The following OXA1L variants were observed in gnomAD, a reference collection of about 807,000 sequenced individuals.
OXA1L encodes OXA1L mitochondrial inner membrane insertase, also known as mitochondrial inner membrane protein OXA1L.
A neutral mutation model predicts 52.2 loss-of-function variants in OXA1L; 42 were observed. The observed-to-expected ratio is 0.80, with a 90% CI of 0.63 to 1.04. OXA1L has a LOEUF of 1.04. Ranked by LOEUF, OXA1L falls within the 50% of genes least tolerant of loss-of-function variation. The probability of loss-of-function intolerance (pLI) is 0.00; values close to 1 mark genes in which losing one functional copy is unlikely to be tolerated. For synonymous variants in OXA1L, 239 were observed against 201.9 expected, an observed-to-expected ratio of 1.18 and a Z score of -1.56; for missense variants, 572 against 555.0, an observed-to-expected ratio of 1.03 and a Z score of -0.31.
In OXA1L at chr14:22,771,723, A is replaced by G; in HGVS notation, c.*165A>G. On this transcript the variant is annotated 3_prime_UTR_variant, in exon 10 of 10. Coordinates refer to ENST00000612549, the MANE Select transcript of OXA1L (RefSeq NM_005015.5). ...AAACACTCTTGTACTTATGTTTATA[A>G]GAGAGCACTGGGTAGCCAAGTGATC... 1 of 717,300 alleles carries G rather than the reference A, an allele frequency of 1.4e-6. No homozygotes were observed. Among genetic ancestry groups the G allele is most frequent in the East Asian group, 2.5e-5 (1 of 39,262 alleles). The allele number at this position is 717,300 out of a possible 1,614,324, so 44.4% of individuals were successfully genotyped here. A position where few individuals can be genotyped will look rare whatever the true frequency, so the allele number is the denominator to read the frequency against.
intron 1 of OXA1L, chr14:22,767,027 G>A (rs1017361158): frequency 6.5e-7 from 1 of 1,535,904 alleles, no homozygotes; most frequent in Non-Finnish European, 8.7e-7. Flanking sequence ...GTGGGTCTGC[G>A]ATAACTGAGA....
intron 1 of OXA1L, 90 bp from the exon 2 acceptor site, chr14:22,767,158 T>G: frequency 6.5e-7 from 1 of 1,547,996 alleles, no homozygotes; most frequent in Non-Finnish European, 8.7e-7. Flanking sequence ...TGCCTGCTTC[T>G]TGGGGAGTTA....
Position 22,771,827 on chromosome 14 carries a change from C to T in OXA1L, c.*269C>T. The T allele has an allele frequency of 2.7e-6, 1 of 377,044 alleles. No individual in the cohort carries two copies. Among genetic ancestry groups the T allele is most frequent in the Non-Finnish European group, 4.8e-6 (1 of 207,418 alleles). 23.4% of individuals were successfully genotyped at this position (377,044 alleles called of 1,614,324 possible). A position where few individuals can be genotyped will look rare whatever the true frequency, so the allele number is the denominator to read the frequency against. On this transcript the variant is annotated 3_prime_UTR_variant, in exon 10 of 10. Coordinates refer to ENST00000612549, the MANE Select transcript of OXA1L (RefSeq NM_005015.5). ...TATTGAACAGGGAAATCAGTGTGCA[C>T]TTCAGAAAACTGAAGAATACCCAGC...
In OXA1L at chr14:22,766,954, G is replaced by C. The variant is rs938659956; in HGVS notation, c.63+190G>C. On this transcript the variant is annotated intron_variant, in intron 1 of 9. Transcript: ENST00000612549. ...CTATGGGCCCAGCAGCCCGGTGTCAGCTTCTGGAATTGGCTTGGCTCCTGG... is the reference window on the plus strand; with the variant it reads ...CTATGGGCCCAGCAGCCCGGTGTCACCTTCTGGAATTGGCTTGGCTCCTGG... 4.6e-6 allele frequency: 7 copies of C among 1,519,070 alleles called. No homozygotes were observed. In the East Asian group the frequency reaches 1.2e-4, roughly 27 times the overall value. The allele number at this position is 1,519,070 out of a possible 1,614,324, so 94.1% of individuals were successfully genotyped here. A position where few individuals can be genotyped will look rare whatever the true frequency, so the allele number is the denominator to read the frequency against.
In OXA1L at chr14:22,771,544, G is replaced by A. The variant is rs754585288; in HGVS notation, c.1294G>A (p.Asp432Asn). 45 of 1,613,980 alleles carry A rather than the reference G, an allele frequency of 2.8e-5. No homozygotes were observed. The highest frequency in any genetic ancestry group is 1.6e-4 in the Middle Eastern group (1 of 6,084). The change falls in exon 10 of 10, where the codon GAC (aspartate) becomes AAC (asparagine). Residue 432 changes from aspartate (D) to asparagine (N), a missense_variant. Transcript: ENST00000612549. ...ACCAAAGTCAAAGTATCCCTGGCAC[G>A]ACACACTTGGCTGACTTATGTTCTG... ...SKPKSKYPWH[D>N]TLG
Position 22,771,549 on chromosome 14 carries a change from A to G in OXA1L, c.1299A>G (p.Thr433=), listed in dbSNP as rs367569986. ...AGTCAAAGTATCCCTGGCACGACAC[A>G]CTTGGCTGACTTATGTTCTGTGCGC... The part of the protein sequence containing the change: ...KPKSKYPWHD[T]LG Residue 433 remains threonine, a synonymous_variant, in exon 10 of 10, where the codon ACA becomes ACG. Coordinates refer to ENST00000612549, the MANE Select transcript of OXA1L (RefSeq NM_005015.5). The G allele has an allele frequency of 4.3e-6, 7 of 1,614,088 alleles. No individual in the cohort carries two copies. The highest frequency in any genetic ancestry group is 1.3e-5 in the African/African-American group (1 of 74,936).
At chr14:22,768,819 G>T (rs1385160607) in intron 3 of OXA1L, 3 of 152,568 alleles carry the variant, frequency 2.0e-5, no homozygotes, top group Admixed American at 6.5e-5. Flanking sequence ...TTTGATAGAG[G>T]CATGCAAGGT....
In OXA1L at chr14:22,770,488, G is replaced by A; in HGVS notation, c.697G>A (p.Ala233Thr). Reference sequence around the variant, plus strand: ...CCCAATCTTCATCTCCTTCTTCATTGCTTTGAGAGAGATGGCCAACCTTCC... The same window carrying A: ...CCCAATCTTCATCTCCTTCTTCATTACTTTGAGAGAGATGGCCAACCTTCC... The part of the protein sequence containing the change: ...QAPIFISFFI[A>T]LREMANLPVP... The change falls in exon 6 of 10, where the codon GCT becomes ACT. Residue 233 changes from alanine to threonine, a missense_variant. Physicochemically the swap from Ala to Thr is moderately conservative, Grantham distance 58. Transcript: ENST00000612549. 2 of 1,614,060 alleles carry A rather than the reference G, an allele frequency of 1.2e-6. No individual in the cohort carries two copies. The highest frequency in any genetic ancestry group is 1.7e-6 in the Non-Finnish European group (2 of 1,179,948).
chr14:22,767,205 C>T lies in OXA1L; in HGVS notation c.64-43C>T, dbSNP rs777468624. On this transcript the variant is annotated intron_variant, in intron 1 of 9. Coordinates refer to ENST00000612549, the MANE Select transcript of OXA1L (RefSeq NM_005015.5). ...CCCGTTTGCACCCACGCGAGGACTT[C>T]TGCTCCCGGTAAAGGGGCTCCATCA... The T allele has an allele frequency of 4.4e-6, 7 of 1,579,286 alleles. No individual in the cohort carries two copies. In the East Asian group the frequency reaches 1.3e-4, roughly 30 times the overall value.
intron 3 of OXA1L, chr14:22,768,900 CA>C (rs2038433317): frequency 6.6e-6 from 1 of 151,992 alleles, no homozygotes; most frequent in Admixed American, 6.6e-5. Context: ...ACAAACAATC[CA>C]ATTACACTTT....
chr14:22,770,292 T>C lies in OXA1L; in HGVS notation c.669+14T>C. 6.3e-7 allele frequency: 1 copy of C among 1,579,790 alleles called. No homozygotes were observed. The highest frequency in any genetic ancestry group is 8.7e-7 in the Non-Finnish European group (1 of 1,148,750). On this transcript the variant is annotated intron_variant, in intron 5 of 9. Coordinates refer to ENST00000612549, the MANE Select transcript of OXA1L (RefSeq NM_005015.5). ...CCTGTGACTCAGGTGAGCAAAAACATTTCCTTCCTTATTTCATCCAGTACC... is the reference window on the plus strand; with the variant it reads ...CCTGTGACTCAGGTGAGCAAAAACACTTCCTTCCTTATTTCATCCAGTACC...
Position 22,771,841 on chromosome 14 carries a change from A to G in OXA1L, c.*283A>G. The G allele has an allele frequency of 2.9e-6, 1 of 344,894 alleles. No homozygotes were observed. Among genetic ancestry groups the G allele is most frequent in the Non-Finnish European group, 5.3e-6 (1 of 187,628 alleles). 21.4% of individuals were successfully genotyped at this position (344,894 alleles called of 1,614,324 possible). Reference sequence around the variant, plus strand: ...ATCAGTGTGCACTTCAGAAAACTGAAGAATACCCAGCATTTTGGGAGGCCG... The same window carrying G: ...ATCAGTGTGCACTTCAGAAAACTGAGGAATACCCAGCATTTTGGGAGGCCG... On this transcript the variant is annotated 3_prime_UTR_variant, in exon 10 of 10. Coordinates refer to ENST00000612549, the MANE Select transcript of OXA1L (RefSeq NM_005015.5).
At position 22,769,901 on chromosome 14, in the gene OXA1L, A is replaced by C. The variant is rs1199821340; in HGVS notation, c.550A>C (p.Arg184=). ...GATCCAGAAGTTTTCCAGTCGAATC[A>C]GAGAGGCCAAGTTAGCAGGAGACCA... ...PEIQKFSSRI[R]EAKLAGDHIE... Residue 184 remains arginine, a synonymous_variant, in exon 4 of 10, where the codon AGA becomes CGA. Coordinates refer to ENST00000612549, the MANE Select transcript of OXA1L (RefSeq NM_005015.5). The C allele has an allele frequency of 1.2e-6, 2 of 1,614,084 alleles. No individual in the cohort carries two copies. Among genetic ancestry groups the C allele is most frequent in the African/African-American group, 2.7e-5 (2 of 74,930 alleles).
chr14:22,767,407 C>T lies in OXA1L; in HGVS notation c.223C>T (p.Gln75Ter). Residue 75 changes from glutamine to a stop codon, truncating the protein, a stop_gained and splice_region_variant, in exon 2 of 10, where the codon CAG becomes TAG. Coordinates refer to ENST00000612549, the MANE Select transcript of OXA1L (RefSeq NM_005015.5). LOFTEE classifies it high-confidence loss of function. Reference sequence around the variant, plus strand: ...CTCTGCTATCTCTTTTGCAGAAGTCCAGGTAAGAGGCCTTTCGTTCCTGCA... The same window carrying T: ...CTCTGCTATCTCTTTTGCAGAAGTCTAGGTAAGAGGCCTTTCGTTCCTGCA... ...STSAISFAEV[Q>*]VQAPPVVAAT... is the part of the protein sequence containing the mutation. 1.2e-6 allele frequency: 2 copies of T among 1,600,408 alleles called. No homozygotes were observed. Among genetic ancestry groups the T allele is most frequent in the Non-Finnish European group, 1.7e-6 (2 of 1,175,212 alleles).
At position 22,770,807 on chromosome 14, in the gene OXA1L, A is replaced by T; in HGVS notation, c.837A>T (p.Leu279=). 6.2e-7 allele frequency: 1 copy of T among 1,613,662 alleles called. No homozygotes were observed. The highest frequency in any genetic ancestry group is 1.1e-5 in the South Asian group (1 of 91,070). ...VTATMWAVLE[L]GAETGVQSSD... Reference sequence around the variant, plus strand: ...TTCCACCCCACTTCTTTTGGCAGCTAGGTGCTGAGACAGGTGTGCAAAGTT... The same window carrying T: ...TTCCACCCCACTTCTTTTGGCAGCTTGGTGCTGAGACAGGTGTGCAAAGTT... Residue 279 remains leucine (L), a splice_region_variant and synonymous_variant, in exon 7 of 10, where the codon CTA becomes CTT. Coordinates refer to ENST00000612549, the MANE Select transcript of OXA1L (RefSeq NM_005015.5).
rs1416855013 is a variant in OXA1L at position 22,771,785 on chromosome 14, T to TG, written c.*228dup. ...AGAGTTAGTAAACCTCTGTACTACA[T>TG]GCTGCTTCCTGATACTTATTGAACA... is the stretch of plus-strand genomic sequence containing the variant. On this transcript the variant is annotated 3_prime_UTR_variant, in exon 10 of 10. Transcript: ENST00000612549. 2 of 532,892 alleles carry TG rather than the reference T, an allele frequency of 3.8e-6. No individual in the cohort carries two copies. Among genetic ancestry groups the TG allele is most frequent in the Admixed American group, 6.5e-5 (2 of 30,966 alleles). 33.0% of individuals were successfully genotyped at this position (532,892 alleles called of 1,614,324 possible).
Position 22,767,237 on chromosome 14 carries a change from T to G in OXA1L, c.64-11T>G, listed in dbSNP as rs372139933. ...CGGTAAAGGGGCTCCATCATCCTTT[T>G]ACACGCTCAGGTCCACAGCGTCGCA... is the stretch of plus-strand genomic sequence containing the variant. On this transcript the variant is annotated splice_polypyrimidine_tract_variant and intron_variant, in intron 1 of 9. Transcript: ENST00000612549. 1.0e-5 allele frequency: 16 copies of G among 1,598,602 alleles called. No individual in the cohort carries two copies. The African/African-American group carries it at 1.9e-4, about 19-fold the overall frequency.
rs750608337 is a variant in OXA1L, at chr14:22,771,311, A to G, written c.1146A>G (p.Glu382=). Residue 382 remains glutamate, a synonymous_variant, in exon 9 of 10, where the codon GAA becomes GAG. Transcript: ENST00000612549. ...TGACGCGTCAGCTGCGAGAGCGTGA[A>G]CAACGCATGCGGAATCAGTTGGAGC... The part of the protein sequence containing the change: ...AEMTRQLRER[E]QRMRNQLELA... The G allele has an allele frequency of 1.9e-6, 3 of 1,614,226 alleles. No individual in the cohort carries two copies. The highest frequency in any genetic ancestry group is 4.5e-5 in the East Asian group (2 of 44,878).
chr14:22,770,009 A>G, intron 4 of OXA1L, 75 bp downstream of exon 4: 1 of 1,568,148 alleles, frequency 6.4e-7, no homozygotes, highest in Non-Finnish European at 8.8e-7. Context: ...GGGGAAAGGA[A>G]CAATGTAAAT....
Sources: allele counts gnomAD v4.1 joint callset, GRCh38; gene constraint gnomAD v4.1.1; transcripts MANE v1.5; gene names NCBI Gene and HGNC (gene_info 2026-07-23, HGNC 2026-07-21).